Variants in RBFOX1 observed in about 807,000 individuals in gnomAD.
RBFOX1 encodes the protein RNA binding protein fox-1 homolog 1.
Under a neutral mutation model 57.7 loss-of-function variants are expected in RBFOX1, and 8 were observed. That is an observed-to-expected ratio of 0.14 (90% CI 0.08 to 0.25). The LOEUF is 0.25. Ranked by LOEUF, RBFOX1 falls within the 10% of genes least tolerant of loss-of-function variation. The probability of loss-of-function intolerance (pLI) is 1.00; values close to 1 mark genes in which losing one functional copy is unlikely to be tolerated. For missense variants in RBFOX1, 611 were observed against 548.5 expected (o/e 1.11, Z -1.14); for synonymous variants, 326 against 222.4 (o/e 1.47, Z -4.15).
intron 2 of RBFOX1, among the ~76,000 whole-genome samples, chr16:6,569,086 A>T (rs1600147301): frequency 6.6e-6 from 1 of 152,184 alleles, no homozygotes; most frequent in African/African-American, 2.4e-5. Context: ...AAGAATACAG[A>T]TTCTGGTGTC....
intron 4 of RBFOX1, among the ~76,000 whole-genome samples, chr16:5,982,854 C>G (rs972280718): frequency 6.6e-6 from 1 of 152,212 alleles, no homozygotes; most frequent in Non-Finnish European, 1.5e-5. Flanking sequence ...ACTATTATAT[C>G]TGTTATGTCT....
chr16:5,709,701 C>G (rs2051380719), intron 3 of RBFOX1, among the ~76,000 whole-genome samples: 1 of 109,922 alleles, frequency 9.1e-6, no homozygotes, highest in Admixed American at 9.6e-5. Context: ...TCATCTGACA[C>G]CTGGTATTCT....
At chr16:7,576,553 T>A (rs1446485835) in intron 5 of RBFOX1, among the ~76,000 whole-genome samples, 1 of 152,210 alleles carries the variant, frequency 6.6e-6, no homozygotes, top group Non-Finnish European at 1.5e-5. Flanking sequence ...CATAACAGTT[T>A]ATACGCATTT....
chr16:7,460,053 C>T (rs1292380567), intron 4 of RBFOX1, among the ~76,000 whole-genome samples: 1 of 152,014 alleles, frequency 6.6e-6, no homozygotes, highest in Non-Finnish European at 1.5e-5. Flanking sequence ...AGGGATGAGG[C>T]AGACTTAGGG....
intron 4 of RBFOX1, among the ~76,000 whole-genome samples, chr16:7,107,755 T>G (rs943546681): frequency 2.0e-5 from 3 of 152,138 alleles, no homozygotes; most frequent in Admixed American, 1.3e-4. Context: ...TTTATAGCTT[T>G]TAAGCCCACA....
intron 1 of RBFOX1, among the ~76,000 whole-genome samples, chr16:6,229,956 A>G (rs1449947393): frequency 1.3e-5 from 2 of 152,188 alleles, no homozygotes; most frequent in Non-Finnish European, 2.9e-5. Flanking sequence ...AAGAAAAGGT[A>G]TGATTCTCCT....
chr16:5,825,692 A>G (rs964247569), intron 3 of RBFOX1, among the ~76,000 whole-genome samples: 1 of 152,298 alleles, frequency 6.6e-6, no homozygotes, highest in Non-Finnish European at 1.5e-5. Context: ...ACCCCAAAGT[A>G]AAGCCTCATA....
chr16:5,464,344 A>G (rs572746442), intron 1 of RBFOX1, among the ~76,000 whole-genome samples: 1 of 152,378 alleles, frequency 6.6e-6, no homozygotes, highest in East Asian at 1.9e-4. Flanking sequence ...GGCAAAGGGC[A>G]GACCCTACGG....
At chr16:7,070,961 C>G (rs188173932) in intron 4 of RBFOX1, among the ~76,000 whole-genome samples, 8 of 149,196 alleles carry the variant, frequency 5.4e-5, no homozygotes, top group Admixed American at 2.6e-4. Flanking sequence ...ATCCTTAGTG[C>G]AAGCAATTTT....
chr16:5,278,526 A>T (rs1469037868), intron 1 of RBFOX1, among the ~76,000 whole-genome samples: 1 of 152,166 alleles, frequency 6.6e-6, no homozygotes, highest in Non-Finnish European at 1.5e-5. Flanking sequence ...TCTTGAGTTA[A>T]TTTTTATATA....
chr16:7,099,363 CT>C (rs1380603851), intron 4 of RBFOX1, among the ~76,000 whole-genome samples: 1 of 152,120 alleles, frequency 6.6e-6, no homozygotes, highest in African/African-American at 2.4e-5. Context: ...TAGGATCTTT[CT>C]TGGGTGTTTT....
chr16:6,234,845 G>T (rs1210652943), intron 1 of RBFOX1, among the ~76,000 whole-genome samples: 3 of 151,958 alleles, frequency 2.0e-5, no homozygotes, highest in Non-Finnish European at 1.5e-5. Flanking sequence ...AGGCACACAT[G>T]CAGTGAAATG....
At chr16:6,776,606 T>C (rs748637023) in intron 3 of RBFOX1, among the ~76,000 whole-genome samples, 2 of 152,130 alleles carry the variant, frequency 1.3e-5, no homozygotes, top group Non-Finnish European at 2.9e-5. Context: ...AGCCTCTCTA[T>C]GTGGGGAGAG....
chr16:5,889,248 T>C (rs2057983621), intron 4 of RBFOX1, among the ~76,000 whole-genome samples: 1 of 152,092 alleles, frequency 6.6e-6, no homozygotes, highest in Non-Finnish European at 1.5e-5. Context: ...CCCCACACTC[T>C]CCGGCAGTGT....
At chr16:6,865,583 T>G (rs2059777007) in intron 3 of RBFOX1, among the ~76,000 whole-genome samples, 2 of 152,170 alleles carry the variant, frequency 1.3e-5, no homozygotes, top group South Asian at 4.1e-4. Flanking sequence ...TTGTAGATAA[T>G]ATTTTGTGAT....
intron 1 of RBFOX1, among the ~76,000 whole-genome samples, chr16:6,175,278 C>A (rs548817818): frequency 2.0e-5 from 3 of 152,146 alleles, no homozygotes; most frequent in Admixed American, 6.5e-5. Flanking sequence ...TTCCGTAATA[C>A]GTCCCTAGGA....
At chr16:7,077,053 C>T (rs1368803241) in intron 4 of RBFOX1, among the ~76,000 whole-genome samples, 4 of 152,152 alleles carry the variant, frequency 2.6e-5, no homozygotes, top group Admixed American at 6.5e-5. Flanking sequence ...AGTTAGTGGA[C>T]GAGACCTCAG....
chr16:6,301,590 A>C (rs770919164), intron 1 of RBFOX1, among the ~76,000 whole-genome samples: 1 of 152,152 alleles, frequency 6.6e-6, no homozygotes, highest in Non-Finnish European at 1.5e-5. Context: ...CGTTTAGGGA[A>C]GGCTACCCGT....
rs149741770 is a variant in RBFOX1, at chr16:6,660,098, G to A, written c.-16+5448G>A. Among the ~76,000 whole-genome samples the A allele has an allele frequency of 3.2e-3, 481 of 151,936 alleles. 5 individuals carry two copies. The highest frequency in any genetic ancestry group is 0.011 in the African/African-American group (452 of 41,454). ...AAATTTCCTGGGTGTGGTGGCACAC[G>A]CCTGTAGTCACAGCTACTTGGGAAG... On this transcript the variant is annotated intron_variant, in intron 3 of 15. Transcript: ENST00000550418.
Sources: gnomAD v4.1 joint callset for allele counts (sites outside exome capture counted in the v4.1 genomes callset) on GRCh38, gnomAD v4.1.1 for gene constraint, MANE v1.5 for transcripts, NCBI Gene and HGNC (gene_info 2026-07-23, HGNC 2026-07-21) for gene names.